Variants in FBXL13 observed in about 807,000 individuals in gnomAD.
FBXL13 encodes the protein F-box and leucine rich repeat protein 13, also known as F-box and leucine-rich repeat protein 13.
FBXL13 carries 67 observed loss-of-function variants against 83.6 expected under a neutral mutation model. That is an observed-to-expected ratio of 0.80 (90% CI 0.66 to 0.98). The LOEUF (loss-of-function observed/expected upper bound fraction) is 0.98, where lower values mean the gene tolerates loss of function less well. FBXL13 is among the 50% of genes least tolerant of loss of function. The pLI, the probability that FBXL13 is intolerant of heterozygous loss-of-function variation, is 0.00. For synonymous variants in FBXL13, 272 were observed against 299.5 expected, an observed-to-expected ratio of 0.91 and a Z score of 0.95; for missense variants, 822 against 866.5, an observed-to-expected ratio of 0.95 and a Z score of 0.64.
chr7:102,905,211 T>C (rs988449234), intron 11 of FBXL13, among the ~76,000 whole-genome samples: 5 of 152,206 alleles, frequency 3.3e-5, no homozygotes, highest in African/African-American at 1.2e-4. Flanking sequence ...AAGTGGGGTG[T>C]TGAAGTTTCC....
chr7:102,972,180 A>G (rs1826769587), intron 6 of FBXL13, among the ~76,000 whole-genome samples: 1 of 152,238 alleles, frequency 6.6e-6, no homozygotes, highest in Non-Finnish European at 1.5e-5. Context: ...TAATAAGTAT[A>G]TGGGTAAAGC....
In FBXL13 at chr7:102,832,909, A is replaced by T. The variant is rs1472003672; in HGVS notation, c.1785T>A (p.Asp595Glu). Residue 595 changes from aspartate to glutamate, a missense_variant, in exon 18 of 20, where the codon GAT becomes GAA. Physicochemically the swap from Asp to Glu is conservative, Grantham distance 45 (BLOSUM62 2). Transcript: ENST00000313221. ...AAATGGCCAGTGCTTTGATAATCAT[A>T]TCTGACAGCTGGGAGCAATAAGAGA... The T allele has an allele frequency of 4.3e-6, 7 of 1,614,228 alleles. No homozygotes were observed. The East Asian group carries it at 1.6e-4, about 36-fold the overall frequency.
intron 2 of FBXL13, among the ~76,000 whole-genome samples, chr7:103,041,310 G>T (rs567518623): frequency 1.3e-5 from 2 of 152,162 alleles, no homozygotes; most frequent in East Asian, 1.9e-4. Flanking sequence ...CCAAAAACAG[G>T]TTCTGAAATT....
intron 2 of FBXL13, among the ~76,000 whole-genome samples, chr7:103,048,398 CT>C (rs34942143): frequency 0.55 from 79,540 of 143,690 alleles, 24,498 homozygotes; most frequent in Non-Finnish European, 0.7. Context: ...TCTTTCCTTT[CT>C]TTTTTTTTTT....
rs534076073 is a variant in FBXL13 at position 102,921,401 on chromosome 7, C to T, written c.878+4873G>A. On this transcript the variant is annotated intron_variant, in intron 10 of 19. Coordinates refer to ENST00000313221, the Ensembl canonical transcript of FBXL13. ...TTGTTCTCTATAAGAAACTCTGGGC[C>T]GGGCACAGTGGCTCATGCCTGTAAT... Among the ~76,000 whole-genome samples the T allele has an allele frequency of 1.1e-4, 16 of 151,932 alleles. No homozygotes were observed. In the South Asian group the frequency reaches 2.9e-3, roughly 28 times the overall value.
intron 16 of FBXL13, among the ~76,000 whole-genome samples, chr7:102,867,695 A>ATATATATATATATTTTTTT (rs1239781180): frequency 2.0e-5 from 1 of 49,078 alleles, no homozygotes; most frequent in African/African-American, 1.2e-4. Context: ...ATATATATAT[A>ATATATATATATATTTTTTT]TTTTTTTTTT....
At chr7:102,913,519 G>C (rs1161064015) in intron 10 of FBXL13, among the ~76,000 whole-genome samples, 5 of 152,172 alleles carry the variant, frequency 3.3e-5, no homozygotes, top group Admixed American at 1.3e-4. Flanking sequence ...TGTGTGAGGT[G>C]GGGGAGGCAA....
At chr7:103,064,526 G>A (rs1798215000) in intron 1 of FBXL13, among the ~76,000 whole-genome samples, 1 of 152,216 alleles carries the variant, frequency 6.6e-6, no homozygotes, top group Non-Finnish European at 1.5e-5. Context: ...GAGTGATGCT[G>A]TTGTGATCTA....
intron 17 of FBXL13, among the ~76,000 whole-genome samples, chr7:102,850,460 G>A (rs896290959): frequency 6.6e-6 from 1 of 152,132 alleles, no homozygotes; most frequent in Non-Finnish European, 1.5e-5. Context: ...CACCATATGA[G>A]AAATATAACC....
intron 11 of FBXL13, among the ~76,000 whole-genome samples, chr7:102,903,252 T>A (rs1297628617): frequency 6.6e-6 from 1 of 152,182 alleles, no homozygotes; most frequent in Non-Finnish European, 1.5e-5. Context: ...GCTACTAATT[T>A]TCGTAGGTCA....
At chr7:102,850,639 T>C (rs144957943) in intron 17 of FBXL13, among the ~76,000 whole-genome samples, 2 of 152,338 alleles carry the variant, frequency 1.3e-5, no homozygotes, top group African/African-American at 4.8e-5. Context: ...TTTAGAGGAA[T>C]CTTTCAACTT....
exon 10 of FBXL13, chr7:102,926,335 C>A: frequency 1.2e-6 from 2 of 1,613,774 alleles, no homozygotes; most frequent in Middle Eastern, 1.7e-4. Context: ...AGACACAGGA[C>A]CCCCGGGCAG....
intron 6 of FBXL13, among the ~76,000 whole-genome samples, chr7:103,014,645 C>T (rs563229706): frequency 1.2e-4 from 18 of 152,134 alleles, no homozygotes; most frequent in African/African-American, 2.9e-4. Context: ...CAAACTGGGC[C>T]GGGCGCGGTG....
chr7:102,854,167 T>C (rs1805682623), intron 17 of FBXL13, among the ~76,000 whole-genome samples: 1 of 152,142 alleles, frequency 6.6e-6, no homozygotes, highest in African/African-American at 2.4e-5. Flanking sequence ...GTGGCACATA[T>C]ACACCATGGA....
intron 1 of FBXL13, among the ~76,000 whole-genome samples, chr7:103,063,571 G>A (rs1481788259): frequency 6.6e-6 from 1 of 152,006 alleles, no homozygotes; most frequent in African/African-American, 2.4e-5. Context: ...TTTCACAATG[G>A]CTCTTCCTCC....
intron 6 of FBXL13, among the ~76,000 whole-genome samples, chr7:102,993,508 A>T (rs866983505): frequency 6.6e-6 from 1 of 151,880 alleles, no homozygotes; most frequent in Non-Finnish European, 1.5e-5. Flanking sequence ...GTAATTTTAC[A>T]TTTTAAGAAA....
chr7:103,060,477 G>A (rs898587289), intron 1 of FBXL13, among the ~76,000 whole-genome samples: 28 of 152,286 alleles, frequency 1.8e-4, no homozygotes, highest in African/African-American at 6.3e-4. Context: ...TGATGACTGA[G>A]AGAGAAAGAC....
intron 6 of FBXL13, among the ~76,000 whole-genome samples, chr7:102,995,842 C>T (rs1255247637): frequency 2.0e-5 from 3 of 150,124 alleles, no homozygotes; most frequent in African/African-American, 7.3e-5. Flanking sequence ...AACCATAACA[C>T]CATACAGAAA....
intron 6 of FBXL13, chr7:102,978,477 C>T (rs1827791201): frequency 6.5e-6 from 1 of 154,384 alleles, no homozygotes; most frequent in South Asian, 2.0e-4. Context: ...CCTACTCTGA[C>T]TGGGAGACAC....
Sources: allele counts gnomAD v4.1 joint callset (sites outside exome capture counted in the v4.1 genomes callset), GRCh38; gene constraint gnomAD v4.1.1; transcripts MANE v1.5; gene names NCBI Gene and HGNC (gene_info 2026-07-23, HGNC 2026-07-21).